Variants in FRMPD3 observed in about 807,000 individuals in gnomAD.
The protein encoded by FRMPD3 is FERM and PDZ domain-containing protein 3.
In FRMPD3, 42 loss-of-function variants were observed where a neutral mutation model predicts 97.9. That is an observed-to-expected ratio of 0.43 (90% CI 0.34 to 0.55). The LOEUF (loss-of-function observed/expected upper bound fraction) is 0.55. Among genes scored for constraint, FRMPD3 ranks in the 20% least tolerant of loss-of-function variants. The probability of loss-of-function intolerance (pLI) is 0.03; values close to 1 mark genes in which losing one functional copy is unlikely to be tolerated. For synonymous variants in FRMPD3, 577 were observed against 581.1 expected (o/e 0.99, Z 0.10); for missense variants, 1,303 against 1,457.7 (o/e 0.89, Z 1.73).
chrX:107,473,042 C>T (rs1921105073), intron 1 of FRMPD3, among the ~76,000 whole-genome samples: 1 of 112,373 alleles, frequency 8.9e-6, no homozygotes, highest in African/African-American at 3.2e-5. Context: ...CAATCAAAAA[C>T]CCTCTCTGAG....
Position 107,601,215 on chromosome X carries a change from T to G in FRMPD3, c.3176T>G (p.Phe1059Cys). The G allele has an allele frequency of 8.3e-7, 1 of 1,207,229 alleles. No individual in the cohort carries two copies. The change falls in exon 15 of 15, where the codon TTC (phenylalanine) becomes TGC (cysteine). Residue 1059 changes from phenylalanine to cysteine, a missense_variant. Coordinates refer to ENST00000683843, the MANE Select transcript of FRMPD3 (RefSeq NM_001388459.1). The stretch of plus-strand genomic sequence containing the variant: ...GAGGACAGTCTGCCTGTTCAAAATT[T>G]CCCTCCCAAAAGCTATCTTTTGCGA... ...QQEDSLPVQN[F>C]PPKSYLLRTS...
chrX:107,533,127 T>C (rs1031185618), intron 3 of FRMPD3, among the ~76,000 whole-genome samples: 1 of 112,079 alleles, frequency 8.9e-6, no homozygotes, highest in African/African-American at 3.2e-5. Flanking sequence ...TTCCCAGGAC[T>C]CTCTGATTTT....
chrX:107,561,936 C>G (rs1206390169), intron 10 of FRMPD3, among the ~76,000 whole-genome samples: 1 of 112,337 alleles, frequency 8.9e-6, no homozygotes, highest in African/African-American at 3.2e-5. Flanking sequence ...GCCCCTGAGT[C>G]AGGCACAGTC....
chrX:107,593,003 C>T (rs977937099), intron 13 of FRMPD3, among the ~76,000 whole-genome samples: 2 of 110,451 alleles, frequency 1.8e-5, no homozygotes, highest in African/African-American at 6.6e-5. Flanking sequence ...GTCTCGAACT[C>T]CTGACCTTGT....
At chrX:107,494,274 A>C (rs1848815901) in intron 1 of FRMPD3, among the ~76,000 whole-genome samples, 1 of 112,015 alleles carries the variant, frequency 8.9e-6, no homozygotes, top group African/African-American at 3.2e-5. Context: ...ATGGTGAGCC[A>C]AGCCTTCACT....
intron 4 of FRMPD3, among the ~76,000 whole-genome samples, chrX:107,537,858 G>A (rs982805524): frequency 9.0e-6 from 1 of 111,400 alleles, no homozygotes; most frequent in Non-Finnish European, 1.9e-5. Flanking sequence ...CAATAATCAC[G>A]GCACTTTCCT....
At chrX:107,513,796 TA>T (rs1174071235) in intron 1 of FRMPD3, among the ~76,000 whole-genome samples, 2 of 112,510 alleles carry the variant, frequency 1.8e-5, no homozygotes, top group East Asian at 5.6e-4. Flanking sequence ...TTGGTTGATT[TA>T]AAAAATACTA....
chrX:107,526,792 A>G (rs980333345), intron 2 of FRMPD3, 56 bp downstream of exon 2: 52 of 1,053,992 alleles, frequency 4.9e-5, no homozygotes, highest in Non-Finnish European at 6.2e-5. Flanking sequence ...CAACACCCAC[A>G]TATCTTCCCA....
At position 107,533,543 on chromosome X, in the gene FRMPD3, C is replaced by A; in HGVS notation, c.290C>A (p.Thr97Asn). 3.3e-6 allele frequency: 4 copies of A among 1,206,410 alleles called. No homozygotes were observed. Among genetic ancestry groups the A allele is most frequent in the Non-Finnish European group, 4.5e-6 (4 of 892,309 alleles). ...TTCATCGTTCTTACAGTTCTGCACA[C>A]TCATCAGGTGAGTGAGCCTCTTTGC... is the stretch of plus-strand genomic sequence containing the variant. The part of the protein sequence containing the change: ...KEFIVLTVLH[T>N]HQSPKSAFIS... Residue 97 changes from threonine (T) to asparagine (N), a missense_variant, in exon 4 of 15, where the codon ACT becomes AAT. Coordinates refer to ENST00000683843, the MANE Select transcript of FRMPD3 (RefSeq NM_001388459.1).
rs537166802 is a variant in FRMPD3, at chrX:107,467,299, G to A, written c.-8+17294G>A. On this transcript the variant is annotated intron_variant, in intron 1 of 14. Coordinates refer to ENST00000683843, the MANE Select transcript of FRMPD3 (RefSeq NM_001388459.1). ...CAAAAGTGTAAATGTGAGTGTGAGT[G>A]TGTGTGTGTGACAGAGAGAGAGTGC... is the stretch of plus-strand genomic sequence containing the variant. 3.6e-5 allele frequency among the ~76,000 whole-genome samples: 4 copies of A among 110,558 alleles called. No homozygotes were observed. In the South Asian group the frequency reaches 1.6e-3, roughly 43 times the overall value.
intron 1 of FRMPD3, among the ~76,000 whole-genome samples, chrX:107,465,356 G>A (rs764918987): frequency 7.2e-5 from 8 of 110,630 alleles, no homozygotes; most frequent in South Asian, 7.9e-4. Flanking sequence ...CTGTAATCCC[G>A]GCTACTCAGG....
intron 1 of FRMPD3, among the ~76,000 whole-genome samples, chrX:107,458,433 G>A (rs1298415157): frequency 2.7e-5 from 3 of 112,192 alleles, no homozygotes; most frequent in African/African-American, 9.7e-5. Context: ...AATGAGGGGA[G>A]AAGTCTTCCC....
At chrX:107,464,360 G>GT (rs200582324) in intron 1 of FRMPD3, among the ~76,000 whole-genome samples, 1,811 of 106,198 alleles carry the variant, frequency 0.017, 41 homozygotes, top group African/African-American at 0.056. Flanking sequence ...TATTTATTTT[G>GT]TTTTTTTTTG....
At chrX:107,477,929 C>T (rs1231109940) in intron 1 of FRMPD3, among the ~76,000 whole-genome samples, 3 of 111,364 alleles carry the variant, frequency 2.7e-5, no homozygotes, top group African/African-American at 6.5e-5. Flanking sequence ...GCCAGAGATG[C>T]CCTCTCCTTG....
rs190311959 is a variant in FRMPD3 at position 107,589,873 on chromosome X, G to A, written c.1442-7448G>A. ...AGTGTATAAAAATAGAATTGAGGTC[G>A]GGCATGGTGGCTCACGCCTGTAATC... is the stretch of plus-strand genomic sequence containing the variant. On this transcript the variant is annotated intron_variant, in intron 13 of 14. Transcript: ENST00000683843. Among the ~76,000 whole-genome samples the A allele has an allele frequency of 5.1e-3, 572 of 112,488 alleles. 3 individuals are homozygous for A. The highest frequency in any genetic ancestry group is 8.3e-3 in the Non-Finnish European group (444 of 53,245).
At chrX:107,563,070 C>A (rs770899108) in intron 10 of FRMPD3, 41 bp from the exon 11 acceptor site, 2 of 1,078,633 alleles carry the variant, frequency 1.9e-6, no homozygotes, top group Admixed American at 4.4e-5. Context: ...TTTTCCTGTG[C>A]CCCTCAGGCT....
chrX:107,597,745 G>T lies in FRMPD3; in HGVS notation c.1866G>T (p.Gln622His). Residue 622 changes from glutamine to histidine, a missense_variant, in exon 14 of 15, where the codon CAG becomes CAT. By Grantham distance (24) the Gln-to-His change is conservative. This residue lies in a region of FRMPD3 where 535 missense variants were observed against 618.6 expected (regional missense o/e 0.86). Coordinates refer to ENST00000683843, the MANE Select transcript of FRMPD3 (RefSeq NM_001388459.1). ...CTTGCAAAGCCAAACTTCAGGAGCA[G>T]CTGGGCCCTCGCAAAGGTGGGAAGC... Reference protein sequence around the residue: ...CDSCKAKLQEQLGPRKGGKPG... With the variant: ...CDSCKAKLQEHLGPRKGGKPG... 2.5e-6 allele frequency: 3 copies of T among 1,199,989 alleles called. No homozygotes were observed. Among genetic ancestry groups the T allele is most frequent in the Non-Finnish European group, 3.4e-6 (3 of 889,826 alleles).
In FRMPD3 at chrX:107,449,944, TGAGGAGGCG is replaced by T. The variant is rs1374370372; in HGVS notation, c.-61_-53del. 2.8e-5 allele frequency among the ~76,000 whole-genome samples: 3 copies of T among 108,202 alleles called. No individual in the cohort carries two copies. The allele number at this position is 108,202 out of a possible 115,157, so 94.0% of individuals were successfully genotyped here. Reference sequence around the variant, plus strand: ...CGCTGCGCCGCCGCTGCCGCGCCGCTGAGGAGGCGGAGGAGGAGGAGGAGGAGGAGGAAG... The same window carrying T: ...CGCTGCGCCGCCGCTGCCGCGCCGCTGAGGAGGAGGAGGAGGAGGAGGAAG... On this transcript the variant is annotated 5_prime_UTR_variant, in exon 1 of 15. Coordinates refer to ENST00000683843, the MANE Select transcript of FRMPD3 (RefSeq NM_001388459.1).
At chrX:107,543,423 T>G (rs776735810) in intron 4 of FRMPD3, among the ~76,000 whole-genome samples, 133 of 111,257 alleles carry the variant, frequency 1.2e-3, no homozygotes, top group African/African-American at 4.2e-3. Context: ...CAGAAGCCTT[T>G]CTCCAGATAA....
Sources: gnomAD v4.1 joint callset for allele counts (sites outside exome capture counted in the v4.1 genomes callset) on GRCh38, gnomAD v4.1.1 for gene constraint, gnomAD v4.1.1 regional missense constraint, MANE v1.5 for transcripts, NCBI Gene and HGNC (gene_info 2026-07-23, HGNC 2026-07-21) for gene names.